The following CKS2 variants were observed in gnomAD, a reference collection of about 807,000 sequenced individuals.
CKS2 encodes cyclin-dependent kinases regulatory subunit 2.
In CKS2, 4 loss-of-function variants were observed where a neutral mutation model predicts 14.3. The observed-to-expected ratio is 0.28, with a 90% confidence interval of 0.14 to 0.64. The LOEUF (loss-of-function observed/expected upper bound fraction) is 0.64. Among genes scored for constraint, CKS2 ranks in the 30% least tolerant of loss-of-function variants. CKS2 has a pLI of 0.83. For missense variants in CKS2, 71 were observed against 94.3 expected, an observed-to-expected ratio of 0.75 and a Z score of 1.02; for synonymous variants, 33 against 28.7, an observed-to-expected ratio of 1.15 and a Z score of -0.48.
intron 2 of CKS2, among the ~76,000 whole-genome samples, chr9:89,315,574 T>C (rs927223040): frequency 6.6e-6 from 1 of 151,970 alleles, no homozygotes; most frequent in African/African-American, 2.4e-5. Context: ...ATCTGTATCA[T>C]TGTTAACAGT....
intron 1 of CKS2, among the ~76,000 whole-genome samples, chr9:89,312,561 C>G (rs1481090301): frequency 6.6e-6 from 1 of 152,144 alleles, no homozygotes; most frequent in Non-Finnish European, 1.5e-5. Context: ...TTCTCCCCCT[C>G]CCTAGTAGCA....
chr9:89,311,417 A>T, intron 1 of CKS2, 66 bp downstream of exon 1: 5 of 1,135,244 alleles, frequency 4.4e-6, no homozygotes, highest in Non-Finnish European at 6.2e-6. Flanking sequence ...GGGGCGACCC[A>T]GGCATAGTAG....
chr9:89,315,667 C>A (rs1240106994), intron 2 of CKS2, among the ~76,000 whole-genome samples: 3 of 151,646 alleles, frequency 2.0e-5, no homozygotes, highest in Non-Finnish European at 4.4e-5. Flanking sequence ...TAAAGTGATT[C>A]TTCAGCCCTC....
At chr9:89,311,497 T>A (rs1824607568) in intron 1 of CKS2, 146 bp downstream of exon 1, 1 of 546,744 alleles carries the variant, frequency 1.8e-6, no homozygotes, top group Non-Finnish European at 3.0e-6. Flanking sequence ...GGGTTTGGGG[T>A]CGCGGCCACC....
chr9:89,316,117 C>CT (rs1183555301), intron 2 of CKS2, among the ~76,000 whole-genome samples: 1 of 151,884 alleles, frequency 6.6e-6, no homozygotes, highest in Non-Finnish European at 1.5e-5. Flanking sequence ...GAAACAGAAT[C>CT]TATGGGGATG....
intron 1 of CKS2, 29 bp from the exon 2 acceptor site, chr9:89,315,141 G>C (rs775259814): frequency 1.1e-5 from 17 of 1,591,042 alleles, no homozygotes; most frequent in Non-Finnish European, 1.4e-5. Flanking sequence ...AAAGGCACTG[G>C]ACTAACACTT....
intron 1 of CKS2, among the ~76,000 whole-genome samples, chr9:89,312,482 C>T (rs752617297): frequency 2.6e-5 from 4 of 152,134 alleles, no homozygotes; most frequent in Non-Finnish European, 5.9e-5. Flanking sequence ...TGTCTGCTGC[C>T]TTTGTAGGTT....
rs1160812684 is a variant in CKS2 at position 89,314,163 on chromosome 9, C to G, written c.60-1007C>G. On this transcript the variant is annotated intron_variant, in intron 1 of 2. Coordinates refer to ENST00000314355, the MANE Select transcript of CKS2 (RefSeq NM_001827.3). The stretch of plus-strand genomic sequence containing the variant: ...TGGATGGTTCAGTATAAAACTGTTG[C>G]TACTACTGCAGGTGGTAAACATGGA... Among the ~76,000 whole-genome samples the G allele has an allele frequency of 2.6e-5, 4 of 152,144 alleles. No homozygotes were observed. In the East Asian group the frequency reaches 7.7e-4, roughly 29 times the overall value.
chr9:89,311,952 T>A (rs1824618127), intron 1 of CKS2, among the ~76,000 whole-genome samples: 1 of 152,078 alleles, frequency 6.6e-6, no homozygotes, highest in Non-Finnish European at 1.5e-5. Flanking sequence ...AGAATAAGCT[T>A]TGGAGGCGAC....
Position 89,316,511 on chromosome 9 carries a change from A to C in CKS2, c.*86A>C. ...TATTCAGTGAATACTTGAGAAATGT[A>C]CAAATCTTTCATCCATACCTGTGCA... On this transcript the variant is annotated 3_prime_UTR_variant, in exon 3 of 3. Coordinates refer to ENST00000314355, the MANE Select transcript of CKS2 (RefSeq NM_001827.3). 1.2e-6 allele frequency: 1 copy of C among 868,470 alleles called. No homozygotes were observed. The highest frequency in any genetic ancestry group is 2.7e-5 in the East Asian group (1 of 37,730). The allele number at this position is 868,470 out of a possible 1,614,324, so 53.8% of individuals were successfully genotyped here. A position where few individuals can be genotyped will look rare whatever the true frequency, so the allele number is the denominator to read the frequency against.
In CKS2 at chr9:89,311,233, T is replaced by C; in HGVS notation, c.-60T>C. 1 of 1,455,374 alleles carries C rather than the reference T, an allele frequency of 6.9e-7. No individual in the cohort carries two copies. Among genetic ancestry groups the C allele is most frequent in the Non-Finnish European group, 9.6e-7 (1 of 1,043,750 alleles). The allele number at this position is 1,455,374 out of a possible 1,614,324, so 90.2% of individuals were successfully genotyped here. ...GAGTTGTTGCCTGGGCTGGACGTGGTTTTGTCTGCTGCGCCCGCTCTTCGC... is the reference window on the plus strand; with the variant it reads ...GAGTTGTTGCCTGGGCTGGACGTGGCTTTGTCTGCTGCGCCCGCTCTTCGC... On this transcript the variant is annotated 5_prime_UTR_variant, in exon 1 of 3. Coordinates refer to ENST00000314355, the MANE Select transcript of CKS2 (RefSeq NM_001827.3).
Position 89,316,518 on chromosome 9 carries a change from T to G in CKS2, c.*93T>G. 1.2e-6 allele frequency: 1 copy of G among 803,620 alleles called. No individual in the cohort carries two copies. The highest frequency in any genetic ancestry group is 2.1e-6 in the Non-Finnish European group (1 of 476,012). 49.8% of individuals were successfully genotyped at this position (803,620 alleles called of 1,614,324 possible). On this transcript the variant is annotated 3_prime_UTR_variant, in exon 3 of 3. Coordinates refer to ENST00000314355, the MANE Select transcript of CKS2 (RefSeq NM_001827.3). ...TGAATACTTGAGAAATGTACAAATC[T>G]TTCATCCATACCTGTGCATGAGCTG... is the stretch of plus-strand genomic sequence containing the variant.
chr9:89,311,323 A>G lies in CKS2; in HGVS notation c.31A>G (p.Lys11Glu). ...CCACAAGCAGATCTACTACTCGGAC[A>G]AGTACTTCGACGAACACTACGAGTA... Reference protein sequence around the residue: MAHKQIYYSDKYFDEHYEYRH... With the variant: MAHKQIYYSDEYFDEHYEYRH... The change falls in exon 1 of 3, where the codon AAG becomes GAG. Residue 11 changes from lysine to glutamate, a missense_variant. Transcript: ENST00000314355. 1.2e-6 allele frequency: 2 copies of G among 1,610,280 alleles called. No homozygotes were observed. Among genetic ancestry groups the G allele is most frequent in the Non-Finnish European group, 1.7e-6 (2 of 1,178,634 alleles).
intron 1 of CKS2, among the ~76,000 whole-genome samples, chr9:89,313,122 T>G (rs1824649978): frequency 6.6e-6 from 1 of 152,234 alleles, no homozygotes; most frequent in Non-Finnish European, 1.5e-5. Flanking sequence ...GATAGTAATT[T>G]CCACACATAA....
chr9:89,315,785 G>T (rs994890311), intron 2 of CKS2, among the ~76,000 whole-genome samples: 4 of 152,048 alleles, frequency 2.6e-5, no homozygotes, highest in African/African-American at 9.7e-5. Flanking sequence ...AAGTTTTTCA[G>T]GTGTTAAATA....
chr9:89,316,119 A>G (rs1325949515), intron 2 of CKS2, among the ~76,000 whole-genome samples: 2 of 152,136 alleles, frequency 1.3e-5, no homozygotes, highest in South Asian at 2.1e-4. Context: ...AACAGAATCT[A>G]TGGGGATGAG....
intron 1 of CKS2, among the ~76,000 whole-genome samples, chr9:89,311,723 C>T (rs1168210148): frequency 6.6e-6 from 1 of 152,212 alleles, no homozygotes; most frequent in African/African-American, 2.4e-5. Flanking sequence ...GTAATTAGGC[C>T]GTTCAGTAGC....
intron 2 of CKS2, among the ~76,000 whole-genome samples, chr9:89,315,838 G>T (rs1327349054): frequency 6.6e-6 from 1 of 152,186 alleles, no homozygotes; most frequent in East Asian, 1.9e-4. Context: ...GACTAAAACA[G>T]TGTGGGTTAA....
At chr9:89,314,762 T>C (rs368840668) in intron 1 of CKS2, among the ~76,000 whole-genome samples, 1 of 152,200 alleles carries the variant, frequency 6.6e-6, no homozygotes, top group African/African-American at 2.4e-5. Context: ...TCCCTGATCA[T>C]ATTAATGTGC....
Sources: gnomAD v4.1 joint callset for allele counts (sites outside exome capture counted in the v4.1 genomes callset) on GRCh38, gnomAD v4.1.1 for gene constraint, MANE v1.5 for transcripts, NCBI Gene and HGNC (gene_info 2026-07-23, HGNC 2026-07-21) for gene names.